WWOX: variants seen among roughly 807,000 people sequenced by gnomAD.
WWOX encodes the protein WW domain containing oxidoreductase, also known as WW domain-containing oxidoreductase.
A neutral mutation model predicts 46.2 loss-of-function variants in WWOX; 69 were observed. The observed-to-expected ratio is 1.49, with a 90% confidence interval of 1.23 to 1.82. The LOEUF (loss-of-function observed/expected upper bound fraction) is 1.82. Among genes scored for constraint, WWOX ranks in the 40% most tolerant of loss-of-function variants. WWOX has a pLI of 0.00. For missense variants in WWOX, 919 were observed against 542.6 expected, an observed-to-expected ratio of 1.69 and a Z score of -6.89; for synonymous variants, 359 against 202.6, an observed-to-expected ratio of 1.77 and a Z score of -6.56.
chr16:78,776,126 A>G (rs1450641940), intron 8 of WWOX, among the ~76,000 whole-genome samples: 1 of 152,246 alleles, frequency 6.6e-6, no homozygotes, highest in Non-Finnish European at 1.5e-5. Context: ...AGTAAAAGGG[A>G]GAGAAGGGAA....
intron 8 of WWOX, among the ~76,000 whole-genome samples, chr16:78,724,590 C>A (rs189466457): frequency 6.6e-6 from 1 of 152,262 alleles, no homozygotes; most frequent in East Asian, 1.9e-4. Context: ...GACATTGACC[C>A]ACTTATGTGT....
At chr16:78,762,952 C>G (rs2049829550) in intron 8 of WWOX, among the ~76,000 whole-genome samples, 1 of 152,140 alleles carries the variant, frequency 6.6e-6, no homozygotes, top group Non-Finnish European at 1.5e-5. Flanking sequence ...ACAATCACAA[C>G]AAAAGGCTGG....
chr16:78,676,948 A>C (rs756965153), intron 8 of WWOX, among the ~76,000 whole-genome samples: 4 of 152,216 alleles, frequency 2.6e-5, no homozygotes, highest in Non-Finnish European at 5.9e-5. Context: ...ACAGTTTTGA[A>C]TAAAAACGGT....
chr16:78,601,693 G>A (rs775133801), intron 8 of WWOX, among the ~76,000 whole-genome samples: 1 of 152,148 alleles, frequency 6.6e-6, no homozygotes, highest in Non-Finnish European at 1.5e-5. Context: ...TTGTAGAGTG[G>A]AATATTCATA....
At chr16:79,122,373 C>G (rs945891692) in intron 8 of WWOX, among the ~76,000 whole-genome samples, 1 of 152,090 alleles carries the variant, frequency 6.6e-6, no homozygotes, top group Admixed American at 6.5e-5. Flanking sequence ...TTCTAAAAGC[C>G]GCACAAAATC....
intron 8 of WWOX, among the ~76,000 whole-genome samples, chr16:78,610,938 G>A (rs997276692): frequency 3.3e-5 from 5 of 152,050 alleles, no homozygotes; most frequent in African/African-American, 9.7e-5. Context: ...AGAACGAACG[G>A]AATTTCAGAG....
chr16:78,231,683 A>G (rs35530243), intron 5 of WWOX, among the ~76,000 whole-genome samples: 18,040 of 152,164 alleles, frequency 0.12, 1,256 homozygotes, highest in Non-Finnish European at 0.15. Context: ...AAACATAATT[A>G]TTATCAATTG....
At chr16:78,246,447 G>T (rs2037818159) in intron 5 of WWOX, among the ~76,000 whole-genome samples, 1 of 152,114 alleles carries the variant, frequency 6.6e-6, no homozygotes, top group Admixed American at 6.6e-5. Context: ...TAAAGAAGAG[G>T]GGGGAAACCT....
intron 5 of WWOX, among the ~76,000 whole-genome samples, chr16:78,170,770 G>A (rs1435399105): frequency 6.6e-6 from 1 of 152,188 alleles, no homozygotes; most frequent in Non-Finnish European, 1.5e-5. Flanking sequence ...AGATGATTAA[G>A]GGATTAGTCA....
intron 8 of WWOX, among the ~76,000 whole-genome samples, chr16:78,557,598 C>T (rs2044332062): frequency 1.3e-5 from 2 of 151,814 alleles, no homozygotes; most frequent in South Asian, 2.1e-4. Context: ...GGATGACCCT[C>T]TATCACAGCC....
At chr16:78,864,685 C>G (rs1367129830) in intron 8 of WWOX, among the ~76,000 whole-genome samples, 2 of 149,812 alleles carry the variant, frequency 1.3e-5, no homozygotes, top group Non-Finnish European at 3.0e-5. Flanking sequence ...CAGGGTCTGA[C>G]ACATCACAGA....
In WWOX at chr16:79,175,241, T is replaced by G. The variant is rs144314932; in HGVS notation, c.1057-36367T>G. Among the ~76,000 whole-genome samples the G allele has an allele frequency of 2.0e-3, 305 of 152,366 alleles. 1 individual carries two copies. Among genetic ancestry groups the G allele is most frequent in the African/African-American group, 6.7e-3 (280 of 41,590 alleles). ...GGCATTTGAAAATTGCTGAAGTGCT[T>G]CTCAGTGATGAAATGTTACAGATCA... On this transcript the variant is annotated intron_variant, in intron 8 of 8. Transcript: ENST00000566780.
intron 8 of WWOX, among the ~76,000 whole-genome samples, chr16:79,119,784 C>T (rs1052467716): frequency 2.6e-5 from 4 of 152,110 alleles, no homozygotes; most frequent in Non-Finnish European, 2.9e-5. Flanking sequence ...TGTGCTGAAC[C>T]CTATTAACCT....
At chr16:78,156,518 G>A (rs1199639643) in intron 4 of WWOX, among the ~76,000 whole-genome samples, 2 of 152,168 alleles carry the variant, frequency 1.3e-5, no homozygotes, top group East Asian at 1.9e-4. Context: ...CAGTCTGCAA[G>A]AACCATTTGT....
chr16:78,713,656 A>G (rs1205179798), intron 8 of WWOX, among the ~76,000 whole-genome samples: 1 of 152,214 alleles, frequency 6.6e-6, no homozygotes, highest in Non-Finnish European at 1.5e-5. Flanking sequence ...GGCAAAAGAC[A>G]CATTGAGGAG....
intron 8 of WWOX, among the ~76,000 whole-genome samples, chr16:79,043,441 CAACTT>C (rs1157167526): frequency 6.6e-6 from 1 of 152,112 alleles, no homozygotes; most frequent in Non-Finnish European, 1.5e-5. Flanking sequence ...GAACTGAACT[CAACTT>C]AAAATAGCTT....
Position 78,759,575 on chromosome 16 carries a change from A to C in WWOX, c.1056+326823A>C, listed in dbSNP as rs143229493. ...AGGTACTCATTGAATCCTTTAAACTAACCCTCTAAAGAATTCTCAATCTGT... is the reference window on the plus strand; with the variant it reads ...AGGTACTCATTGAATCCTTTAAACTCACCCTCTAAAGAATTCTCAATCTGT... On this transcript the variant is annotated intron_variant, in intron 8 of 8. Transcript: ENST00000566780. Among the ~76,000 whole-genome samples, 10 of 152,232 alleles carry C rather than the reference A, an allele frequency of 6.6e-5. No individual in the cohort carries two copies. The East Asian group carries it at 1.9e-3, about 30-fold the overall frequency.
chr16:78,310,203 T>G (rs1044233634), intron 5 of WWOX, among the ~76,000 whole-genome samples: 4 of 152,154 alleles, frequency 2.6e-5, no homozygotes, highest in African/African-American at 9.7e-5. Flanking sequence ...TTATTGTGTT[T>G]CCTTCTACCC....
At chr16:79,111,344 C>T (rs1428927947) in intron 8 of WWOX, among the ~76,000 whole-genome samples, 1 of 152,202 alleles carries the variant, frequency 6.6e-6, no homozygotes, top group Non-Finnish European at 1.5e-5. Context: ...AGCAGAAAAT[C>T]CAACCAGTGT....
Sources: allele counts gnomAD v4.1 joint callset (sites outside exome capture counted in the v4.1 genomes callset), GRCh38; gene constraint gnomAD v4.1.1; transcripts MANE v1.5; gene names NCBI Gene and HGNC (gene_info 2026-07-23, HGNC 2026-07-21).